Variants in VPS37A observed in about 807,000 individuals in gnomAD.
VPS37A encodes VPS37A subunit of ESCRT-I.
A neutral mutation model predicts 49.8 loss-of-function variants in VPS37A; 30 were observed. The ratio of observed to expected loss-of-function variants is 0.60; its 90% CI spans 0.45 to 0.82. VPS37A has a LOEUF of 0.82. Among genes scored for constraint, VPS37A ranks in the 40% least tolerant of loss-of-function variants. The pLI is 0.00. For missense variants in VPS37A, 593 were observed against 464.4 expected, an observed-to-expected ratio of 1.28 and a Z score of -2.55; for synonymous variants, 195 against 160.6, an observed-to-expected ratio of 1.21 and a Z score of -1.62.
chr8:17,305,298 T>A (rs546383198), downstream of VPS37A, among the ~76,000 whole-genome samples: 20 of 152,344 alleles, frequency 1.3e-4, no homozygotes, highest in Admixed American at 2.6e-4. Flanking sequence ...TTTTTTACTG[T>A]CACTTATTTT....
chr8:17,273,961 G>A (rs1814258432), intron 4 of VPS37A, among the ~76,000 whole-genome samples: 1 of 152,078 alleles, frequency 6.6e-6, no homozygotes, highest in South Asian at 2.1e-4. Context: ...ACACTAGAGT[G>A]CCTGATCCAT....
chr8:17,271,881 G>C, intron 4 of VPS37A: 1 of 422,550 alleles, frequency 2.4e-6, no homozygotes, highest in Non-Finnish European at 4.7e-6. Flanking sequence ...CTTAATTTGA[G>C]AATCTTAGGG....
At chr8:17,316,094 A>G in the VPS37A span, among the ~76,000 whole-genome samples, 3 of 152,206 alleles carry the variant, frequency 2.0e-5, no homozygotes, top group Non-Finnish European at 4.4e-5. Context: ...TAATATTCCC[A>G]AGAACTTTTT....
chr8:17,290,673 C>T (rs1816058085), intron 11 of VPS37A, among the ~76,000 whole-genome samples: 1 of 152,150 alleles, frequency 6.6e-6, no homozygotes, highest in African/African-American at 2.4e-5. Context: ...GTTTTGGTAT[C>T]AGGATGATGC....
chr8:17,306,105 A>G (rs1817438206), downstream of VPS37A: 2 of 671,404 alleles, frequency 3.0e-6, no homozygotes, highest in South Asian at 4.7e-5. Flanking sequence ...TAGAAAAGTT[A>G]AGATTTTAAA....
At chr8:17,327,641 TAAAAA>T in the VPS37A span, among the ~76,000 whole-genome samples, 371 of 148,728 alleles carry the variant, frequency 2.5e-3, 4 homozygotes, top group African/African-American at 8.2e-3. Flanking sequence ...AGAAACCTGG[TAAAAA>T]AAAAAACTAT....
At position 17,276,465 on chromosome 8, in the gene VPS37A, A is replaced by C. The variant is rs781766727; in HGVS notation, c.711A>C (p.Leu237=). 6.2e-7 allele frequency: 1 copy of C among 1,608,736 alleles called. No individual in the cohort carries two copies. Among genetic ancestry groups the C allele is most frequent in the East Asian group, 2.2e-5 (1 of 44,614 alleles). Residue 237 remains leucine (L), a splice_region_variant and synonymous_variant, in exon 6 of 12, where the codon CTA becomes CTC. Coordinates refer to ENST00000324849, the MANE Select transcript of VPS37A (RefSeq NM_152415.3). ...VPDAFPELSE[L]SVSQLTDMNE... Reference sequence around the variant, plus strand: ...ATGCATTTCCAGAACTCTCAGAACTAAGGTAAACCTGGAAAGTAAAGTTGG... The same window carrying C: ...ATGCATTTCCAGAACTCTCAGAACTCAGGTAAACCTGGAAAGTAAAGTTGG...
chr8:17,307,982 A>G, the VPS37A span, among the ~76,000 whole-genome samples: 314 of 152,304 alleles, frequency 2.1e-3, 4 homozygotes, highest in Admixed American at 0.019. Context: ...GCACATGTAT[A>G]TATATGTAAC....
chr8:17,306,612 T>G (rs1379318146), downstream of VPS37A, among the ~76,000 whole-genome samples: 1 of 152,106 alleles, frequency 6.6e-6, no homozygotes, highest in East Asian at 1.9e-4. Context: ...ACTGTGTGAG[T>G]TTTACAGAGA....
Position 17,259,471 on chromosome 8 carries a change from C to T in VPS37A, c.126-6436C>T, listed in dbSNP as rs556474822. Among the ~76,000 whole-genome samples the T allele has an allele frequency of 1.4e-4, 21 of 152,104 alleles. No homozygotes were observed. In the East Asian group the frequency reaches 2.9e-3, roughly 21 times the overall value. ...AATTTCTGATTTCTTTGAGTTTGTT[C>T]AGACTTGTTTTCTGGCCTAAGATAT... On this transcript the variant is annotated intron_variant, in intron 1 of 11. Transcript: ENST00000324849.
intron 11 of VPS37A, among the ~76,000 whole-genome samples, chr8:17,290,377 G>GT (rs1816024192): frequency 6.6e-6 from 1 of 152,166 alleles, no homozygotes; most frequent in Non-Finnish European, 1.5e-5. Flanking sequence ...TTTACTGAGT[G>GT]TTTTTAGCAT....
Position 17,295,228 on chromosome 8 carries a change from T to C in VPS37A, c.*242T>C, listed in dbSNP as rs1368415831. On this transcript the variant is annotated 3_prime_UTR_variant, in exon 12 of 12. Coordinates refer to ENST00000324849, the MANE Select transcript of VPS37A (RefSeq NM_152415.3). ...TTATTGTTGATAAATTGTATCATATTTAAGTTCCACTGCTGTTCCTCTTAC... is the reference window on the plus strand; with the variant it reads ...TTATTGTTGATAAATTGTATCATATCTAAGTTCCACTGCTGTTCCTCTTAC... 2.6e-5 allele frequency: 4 copies of C among 152,690 alleles called. No individual in the cohort carries two copies. Among genetic ancestry groups the C allele is most frequent in the Admixed American group, 6.5e-5 (1 of 15,290 alleles). 9.5% of individuals were successfully genotyped at this position (152,690 alleles called of 1,614,324 possible).
chr8:17,276,544 T>C, intron 6 of VPS37A, 77 bp downstream of exon 6: 1 of 1,386,040 alleles, frequency 7.2e-7, no homozygotes, highest in Non-Finnish European at 9.9e-7. Context: ...TTCATATCCA[T>C]ATAAATTAAA....
At chr8:17,276,348 A>C (rs1340266658) in intron 5 of VPS37A, 49 bp from the exon 6 acceptor site, 1 of 1,427,390 alleles carries the variant, frequency 7.0e-7, no homozygotes, top group East Asian at 2.3e-5. Context: ...AATTGAGAGC[A>C]GTCAAAAATA....
At chr8:17,307,514 G>C in the VPS37A span, among the ~76,000 whole-genome samples, 2 of 152,116 alleles carry the variant, frequency 1.3e-5, no homozygotes, top group African/African-American at 4.8e-5. Flanking sequence ...AATACCATTT[G>C]ACCCAGCCAT....
chr8:17,276,329 T>G, intron 5 of VPS37A, 68 bp from the exon 6 acceptor site: 1 of 1,246,378 alleles, frequency 8.0e-7, no homozygotes, highest in Non-Finnish European at 1.2e-6. Flanking sequence ...AAAGATTACG[T>G]TTATTAGTAA....
At chr8:17,286,317 G>C (rs892400606) in intron 10 of VPS37A, 30 bp from the exon 11 acceptor site, 3 of 1,584,248 alleles carry the variant, frequency 1.9e-6, no homozygotes, top group Admixed American at 1.7e-5. Context: ...TTGTAAAAGT[G>C]ACTGGTATTT....
At chr8:17,247,869 TAGTC>T (rs1585890248) in intron 1 of VPS37A, 1 of 666,328 alleles carries the variant, frequency 1.5e-6, no homozygotes, top group Non-Finnish European at 2.7e-6. Flanking sequence ...ACTTATCACG[TAGTC>T]AGTCTTCTTG....
chr8:17,287,561 T>C (rs922904104), intron 11 of VPS37A, among the ~76,000 whole-genome samples: 17 of 151,734 alleles, frequency 1.1e-4, no homozygotes, highest in African/African-American at 4.1e-4. Context: ...ACCTGTAGTC[T>C]CAGCTACTCG....
Sources: gnomAD v4.1 joint callset for allele counts (sites outside exome capture counted in the v4.1 genomes callset) on GRCh38, gnomAD v4.1.1 for gene constraint, MANE v1.5 for transcripts, NCBI Gene and HGNC (gene_info 2026-07-23, HGNC 2026-07-21) for gene names.